Variants in CDH18 observed in about 807,000 individuals in gnomAD.
CDH18 encodes cadherin 18.
In CDH18, 31 loss-of-function variants were observed where a neutral mutation model predicts 67.9. That is an observed-to-expected ratio of 0.46 (90% CI 0.34 to 0.62). The LOEUF (loss-of-function observed/expected upper bound fraction) is 0.62. CDH18 is among the 20% of genes least tolerant of loss of function. The pLI is 0.01. For missense variants in CDH18, 890 were observed against 975.5 expected (o/e 0.91, Z 1.17); for synonymous variants, 362 against 347.2 (o/e 1.04, Z -0.48).
chr5:19,960,006 T>C (rs1796632685), intron 2 of CDH18, among the ~76,000 whole-genome samples: 1 of 152,082 alleles, frequency 6.6e-6, no homozygotes, highest in African/African-American at 2.4e-5. Flanking sequence ...AAAGGAAGCT[T>C]GTGGGACTGA....
At chr5:20,264,177 T>C (rs984685121) in intron 1 of CDH18, among the ~76,000 whole-genome samples, 13 of 152,038 alleles carry the variant, frequency 8.6e-5, no homozygotes, top group Non-Finnish European at 1.8e-4. Flanking sequence ...ACTACAGATA[T>C]AATAATGCTT....
intron 2 of CDH18, among the ~76,000 whole-genome samples, chr5:19,938,021 T>C (rs1362735660): frequency 1.4e-5 from 2 of 147,866 alleles, no homozygotes; most frequent in Admixed American, 6.8e-5. Flanking sequence ...ATATATAGCA[T>C]ATACATAGCA....
chr5:19,598,255 A>T (rs2150054555), intron 6 of CDH18, among the ~76,000 whole-genome samples: 2 of 152,054 alleles, frequency 1.3e-5, no homozygotes, highest in Middle Eastern at 3.4e-3. Context: ...TTATATACAC[A>T]CTCTAGAAAG....
At chr5:19,897,215 T>C (rs1402287052) in intron 2 of CDH18, among the ~76,000 whole-genome samples, 2 of 152,156 alleles carry the variant, frequency 1.3e-5, no homozygotes, top group African/African-American at 4.8e-5. Flanking sequence ...ATAAAGAGTT[T>C]CTACAAAACA....
intron 4 of CDH18, among the ~76,000 whole-genome samples, chr5:19,735,854 T>A (rs962136838): frequency 3.9e-5 from 6 of 152,220 alleles, no homozygotes; most frequent in African/African-American, 1.2e-4. Context: ...TAATATAGTT[T>A]CATGCATATA....
chr5:19,792,304 C>G (rs996197093), intron 3 of CDH18, among the ~76,000 whole-genome samples: 4 of 152,128 alleles, frequency 2.6e-5, no homozygotes, highest in Non-Finnish European at 5.9e-5. Flanking sequence ...TCCTGCCCTC[C>G]GACCTCAGAG....
intron 12 of CDH18, among the ~76,000 whole-genome samples, chr5:19,482,952 C>A (rs1224404695): frequency 6.6e-6 from 1 of 152,086 alleles, no homozygotes; most frequent in East Asian, 1.9e-4. Flanking sequence ...GGGCTGGGGT[C>A]TTGGTCAGAT....
chr5:19,584,001 A>G (rs1743695256), intron 7 of CDH18, among the ~76,000 whole-genome samples: 1 of 152,212 alleles, frequency 6.6e-6, no homozygotes, highest in Non-Finnish European at 1.5e-5. Flanking sequence ...AAGGCCAAAT[A>G]GAATCAGAAA....
At chr5:20,467,994 G>GTACTTATTTATGTATT (rs202024863) in intron 1 of CDH18, among the ~76,000 whole-genome samples, 14 of 110,340 alleles carry the variant, frequency 1.3e-4, no homozygotes, top group Non-Finnish European at 5.8e-5. Context: ...TTTTATTTAT[G>GTACTTATTTATGTATT]TATTTATTTA....
intron 6 of CDH18, among the ~76,000 whole-genome samples, chr5:19,599,535 C>T (rs1235814362): frequency 2.0e-5 from 3 of 151,966 alleles, no homozygotes; most frequent in Admixed American, 1.3e-4. Flanking sequence ...AAAAGAACAC[C>T]CCCAGTTATT....
At chr5:20,278,138 T>C (rs1426744485) in intron 1 of CDH18, among the ~76,000 whole-genome samples, 1 of 152,174 alleles carries the variant, frequency 6.6e-6, no homozygotes, top group South Asian at 2.1e-4. Flanking sequence ...AAGAAAAATA[T>C]ACAACATTTA....
At chr5:20,018,557 G>A (rs1738097291) in intron 2 of CDH18, among the ~76,000 whole-genome samples, 1 of 152,124 alleles carries the variant, frequency 6.6e-6, no homozygotes, top group Admixed American at 6.6e-5. Context: ...ATATTTGGGT[G>A]TGAAGATTCT....
intron 1 of CDH18, among the ~76,000 whole-genome samples, chr5:20,511,726 G>A (rs1224506683): frequency 1.3e-5 from 2 of 152,152 alleles, no homozygotes; most frequent in Non-Finnish European, 2.9e-5. Context: ...TAGAAGTGGT[G>A]ATTGTGGACC....
rs369967608 is a variant in CDH18, at chr5:20,241,905, T to TATATACATATATATATATAA, written c.-518+13538_-518+13539insTTATATATATATATGTATAT. 4.8e-3 allele frequency among the ~76,000 whole-genome samples: 677 copies of TATATACATATATATATATAA among 141,446 alleles called. 9 individuals are homozygous for TATATACATATATATATATAA. Among genetic ancestry groups the TATATACATATATATATATAA allele is most frequent in the African/African-American group, 0.018 (648 of 35,936 alleles). 92.8% of individuals were successfully genotyped at this position (141,446 alleles called of 152,430 possible). On this transcript the variant is annotated intron_variant, in intron 2 of 14. Coordinates refer to the CDH18 transcript ENST00000507958. ...ATATATATATATGTATATATATATA[T>TATATACATATATATATATAA]ATATTGCTTAGTCAGAGGCACTGTG...
intron 6 of CDH18, among the ~76,000 whole-genome samples, chr5:19,608,131 T>C (rs1421033133): frequency 6.6e-6 from 1 of 151,710 alleles, no homozygotes; most frequent in Non-Finnish European, 1.5e-5. Context: ...ATTGGAATGG[T>C]ACAAGGAATA....
chr5:19,754,297 TAAGTA>T (rs1771240877), intron 3 of CDH18, among the ~76,000 whole-genome samples: 2 of 152,024 alleles, frequency 1.3e-5, no homozygotes, highest in Non-Finnish European at 2.9e-5. Context: ...ACATAAACTT[TAAGTA>T]AAGTGGTGAA....
intron 2 of CDH18, among the ~76,000 whole-genome samples, chr5:20,140,600 A>G (rs1750169367): frequency 6.6e-6 from 1 of 152,098 alleles, no homozygotes; most frequent in Admixed American, 6.6e-5. Flanking sequence ...ACAATTCAAA[A>G]TGTTACTTTG....
chr5:19,573,036 T>C (rs973696118), intron 7 of CDH18, among the ~76,000 whole-genome samples: 1 of 152,174 alleles, frequency 6.6e-6, no homozygotes, highest in Non-Finnish European at 1.5e-5. Context: ...CACAGGGACA[T>C]TGATGAGGAT....
intron 2 of CDH18, among the ~76,000 whole-genome samples, chr5:20,136,817 G>A (rs1490957186): frequency 6.6e-6 from 1 of 152,262 alleles, no homozygotes; most frequent in Non-Finnish European, 1.5e-5. Flanking sequence ...TTGCTTGTCT[G>A]TAAAGGATTT....
Sources: allele counts gnomAD v4.1 joint callset (sites outside exome capture counted in the v4.1 genomes callset), GRCh38; gene constraint gnomAD v4.1.1; transcripts MANE v1.5; gene names NCBI Gene and HGNC (gene_info 2026-07-23, HGNC 2026-07-21).